The following SEMA3C variants were observed in gnomAD, a reference collection of about 807,000 sequenced individuals.
SEMA3C encodes semaphorin-3C.
In SEMA3C, 47 loss-of-function variants were observed where a neutral mutation model predicts 89.4. The ratio of observed to expected loss-of-function variants is 0.53; its 90% CI spans 0.42 to 0.67. SEMA3C has a LOEUF of 0.67. Among genes scored for constraint, SEMA3C ranks in the 30% least tolerant of loss-of-function variants. The pLI is 0.00. For synonymous variants in SEMA3C, 310 were observed against 320.2 expected, an observed-to-expected ratio of 0.97 and a Z score of 0.34; for missense variants, 839 against 929.1, an observed-to-expected ratio of 0.90 and a Z score of 1.26.
chr7:80,829,509 C>A (rs1338248033), intron 2 of SEMA3C, among the ~76,000 whole-genome samples: 1 of 152,104 alleles, frequency 6.6e-6, no homozygotes, highest in East Asian at 1.9e-4. Context: ...TGCTTCCCAA[C>A]GTAATTCTAA....
At position 80,885,123 on chromosome 7, in the gene SEMA3C, G is replaced by A. The variant is rs778082124; in HGVS notation, c.103+31556C>T. Among the ~76,000 whole-genome samples, 53 of 152,192 alleles carry A rather than the reference G, an allele frequency of 3.5e-4. 1 individual carries two copies. Among genetic ancestry groups the A allele is most frequent in the African/African-American group, 1.1e-3 (46 of 41,540 alleles). Reference sequence around the variant, plus strand: ...AGAAAGACAATTCTTATAATTAAACGTGTTAACTGGTTTAATAGTTTTGCA... The same window carrying A: ...AGAAAGACAATTCTTATAATTAAACATGTTAACTGGTTTAATAGTTTTGCA... On this transcript the variant is annotated intron_variant, in intron 2 of 17. Transcript: ENST00000265361.
intron 4 of SEMA3C, 77 bp from the exon 5 acceptor site, chr7:80,818,495 A>G (rs768159551): frequency 4.7e-6 from 7 of 1,488,416 alleles, no homozygotes; most frequent in Non-Finnish European, 6.5e-6. Flanking sequence ...TTAACCTGAG[A>G]TCTTGTATGA....
intron 2 of SEMA3C, among the ~76,000 whole-genome samples, chr7:80,841,319 A>G (rs1790263509): frequency 6.6e-6 from 1 of 152,198 alleles, no homozygotes; most frequent in Non-Finnish European, 1.5e-5. Flanking sequence ...GTGCCTGCAT[A>G]GTAATAAATA....
Position 80,863,895 on chromosome 7 carries a change from CAT to C in SEMA3C, c.104-35152_104-35151del, listed in dbSNP as rs1162979986. 4.0e-5 allele frequency among the ~76,000 whole-genome samples: 5 copies of C among 126,502 alleles called. 1 individual carries two copies. Among genetic ancestry groups the C allele is most frequent in the Admixed American group, 3.1e-4 (4 of 12,976 alleles). 83.0% of individuals were successfully genotyped at this position (126,502 alleles called of 152,430 possible). On this transcript the variant is annotated intron_variant, in intron 2 of 17. Transcript: ENST00000265361. ...ATATATGTATCACATATATATCACA[CAT>C]ATATTACATATATATCACATATATA...
intron 4 of SEMA3C, among the ~76,000 whole-genome samples, chr7:80,824,912 A>G (rs1789835520): frequency 1.3e-5 from 2 of 152,174 alleles, no homozygotes; most frequent in South Asian, 4.1e-4. Context: ...TTTTCTGAAT[A>G]TCAGTGTATA....
At chr7:80,757,639 T>C (rs536709616) in intron 15 of SEMA3C, among the ~76,000 whole-genome samples, 24 of 152,258 alleles carry the variant, frequency 1.6e-4, no homozygotes, top group African/African-American at 5.5e-4. Flanking sequence ...AGAGAAATCC[T>C]AGGAAGGTGG....
At chr7:80,758,197 G>T in intron 15 of SEMA3C, 134 bp downstream of exon 15, 1 of 891,148 alleles carries the variant, frequency 1.1e-6, no homozygotes, top group Non-Finnish European at 1.7e-6. Flanking sequence ...AAGACTATGT[G>T]TGGTGTTAAA....
chr7:80,815,554 C>CAAAAAAAAAAAAAA lies in SEMA3C; in HGVS notation c.447+2731_447+2744dup, dbSNP rs761990267. ...AAACCCAATCCTTTCTTTAAATGGGCAAAAAAAAAAAAAAAAAAAGTAAAT... is the reference window on the plus strand; with the variant it reads ...AAACCCAATCCTTTCTTTAAATGGGCAAAAAAAAAAAAAAAAAAAAAAAAAAAAAAAAAGTAAAT... On this transcript the variant is annotated intron_variant, in intron 5 of 17. Transcript: ENST00000265361. Among the ~76,000 whole-genome samples the CAAAAAAAAAAAAAA allele has an allele frequency of 1.6e-3, 94 of 58,814 alleles. 3 individuals are homozygous for CAAAAAAAAAAAAAA. The highest frequency in any genetic ancestry group is 4.6e-3 in the African/African-American group (72 of 15,556). 38.6% of individuals were successfully genotyped at this position (58,814 alleles called of 152,430 possible). A position where few individuals can be genotyped will look rare whatever the true frequency, so the allele number is the denominator to read the frequency against.
intron 2 of SEMA3C, among the ~76,000 whole-genome samples, chr7:80,853,892 A>ATATGTG (rs556139546): frequency 3.7e-4 from 55 of 148,958 alleles, no homozygotes; most frequent in African/African-American, 1.2e-3. Flanking sequence ...CCCCATATAT[A>ATATGTG]TGTGTGTGTG....
chr7:80,862,743 G>C (rs913307207), intron 2 of SEMA3C, among the ~76,000 whole-genome samples: 1 of 152,054 alleles, frequency 6.6e-6, no homozygotes, highest in Non-Finnish European at 1.5e-5. Context: ...TATAAAATAG[G>C]CACACAGACC....
At chr7:80,823,438 C>T (rs941169616) in intron 4 of SEMA3C, among the ~76,000 whole-genome samples, 2 of 152,004 alleles carry the variant, frequency 1.3e-5, no homozygotes, top group African/African-American at 4.8e-5. Flanking sequence ...AAATATATTA[C>T]TTTTATAATA....
chr7:80,834,404 G>C (rs1341882652), intron 2 of SEMA3C, among the ~76,000 whole-genome samples: 4 of 152,124 alleles, frequency 2.6e-5, no homozygotes. Context: ...ACCAAAGCTG[G>C]AAGAACAATA....
intron 15 of SEMA3C, among the ~76,000 whole-genome samples, chr7:80,755,958 G>C (rs1170785116): frequency 6.6e-6 from 1 of 152,050 alleles, no homozygotes; most frequent in African/African-American, 2.4e-5. Context: ...AATTAACATG[G>C]AGGAACACAG....
At chr7:80,774,813 C>T (rs946101227) in intron 12 of SEMA3C, among the ~76,000 whole-genome samples, 2 of 151,738 alleles carry the variant, frequency 1.3e-5, no homozygotes, top group African/African-American at 4.8e-5. Flanking sequence ...AAAAAATGGC[C>T]ATACACTTCC....
In SEMA3C at chr7:80,810,096, C is replaced by T. The variant is rs538393609; in HGVS notation, c.538+515G>A. On this transcript the variant is annotated intron_variant, in intron 6 of 17. Transcript: ENST00000265361. ...TGCTTAAAAATAGATTTTTAACATT[C>T]TCACCACAAAAAAATACGTGGGCGA... 3.3e-5 allele frequency among the ~76,000 whole-genome samples: 5 copies of T among 152,150 alleles called. No homozygotes were observed. The South Asian group carries it at 8.3e-4, about 25-fold the overall frequency.
intron 2 of SEMA3C, among the ~76,000 whole-genome samples, chr7:80,855,827 T>C (rs1267038892): frequency 6.6e-6 from 1 of 152,176 alleles, no homozygotes; most frequent in Admixed American, 6.5e-5. Context: ...TAGTTTGAGC[T>C]GGGGAGTTAA....
At chr7:80,863,340 A>T (rs976318984) in intron 2 of SEMA3C, among the ~76,000 whole-genome samples, 17 of 136,320 alleles carry the variant, frequency 1.2e-4, no homozygotes, top group Non-Finnish European at 1.9e-4. Flanking sequence ...TCAAAATATT[A>T]AAAAAAAAAA....
intron 12 of SEMA3C, among the ~76,000 whole-genome samples, chr7:80,784,671 G>C (rs186955526): frequency 3.5e-4 from 54 of 152,188 alleles, no homozygotes; most frequent in African/African-American, 1.3e-3. Context: ...AAAGGTCTCT[G>C]TGGCAACTAA....
chr7:80,892,568 C>T (rs1791641281), intron 2 of SEMA3C, among the ~76,000 whole-genome samples: 1 of 151,978 alleles, frequency 6.6e-6, no homozygotes, highest in Non-Finnish European at 1.5e-5. Context: ...ACAACAACAA[C>T]AATGTAGAGT....
Sources: allele counts gnomAD v4.1 joint callset (sites outside exome capture counted in the v4.1 genomes callset), GRCh38; gene constraint gnomAD v4.1.1; transcripts MANE v1.5; gene names NCBI Gene and HGNC (gene_info 2026-07-23, HGNC 2026-07-21).